Variants in RPS6KA2 observed in about 807,000 individuals in gnomAD.
RPS6KA2 encodes the protein ribosomal protein S6 kinase alpha-2.
Under a neutral mutation model 91.8 loss-of-function variants are expected in RPS6KA2, and 42 were observed. The observed-to-expected ratio is 0.46, with a 90% CI of 0.36 to 0.59. The LOEUF is 0.59. RPS6KA2 is among the 20% of genes least tolerant of loss of function. The pLI, the probability that RPS6KA2 is intolerant of heterozygous loss-of-function variation, is 0.00. For missense variants in RPS6KA2, 798 were observed against 978.5 expected (o/e 0.82, Z 2.46); for synonymous variants, 414 against 393.6 (o/e 1.05, Z -0.61).
chr6:166,717,519 G>C (rs564883128), intron 2 of RPS6KA2, among the ~76,000 whole-genome samples: 1 of 152,234 alleles, frequency 6.6e-6, no homozygotes, highest in African/African-American at 2.4e-5. Flanking sequence ...GAGAGCTGGG[G>C]TTCCAAGGAA....
rs150090491 is a variant in RPS6KA2 at position 166,572,465 on chromosome 6, A to G, written c.100-33681T>C. Among the ~76,000 whole-genome samples, 594 of 152,340 alleles carry G rather than the reference A, an allele frequency of 3.9e-3. 5 individuals are homozygous for G. Among genetic ancestry groups the G allele is most frequent in the African/African-American group, 0.013 (557 of 41,580 alleles). ...AGCCAAGGGATGTTTACTTTTGTCA[A>G]TTTCTGCAGAAACCACACAAGTGGC... On this transcript the variant is annotated intron_variant, in intron 1 of 20. Transcript: ENST00000265678.
At chr6:166,566,972 C>T (rs879292924) in intron 1 of RPS6KA2, among the ~76,000 whole-genome samples, 5 of 152,208 alleles carry the variant, frequency 3.3e-5, no homozygotes, top group Admixed American at 1.3e-4. Context: ...ATTACATCGT[C>T]GCAGGTGCAA....
intron 2 of RPS6KA2, among the ~76,000 whole-genome samples, chr6:166,758,591 T>A (rs987432808): frequency 1.3e-5 from 2 of 152,200 alleles, no homozygotes; most frequent in African/African-American, 4.8e-5. Context: ...AGCTTCTTGT[T>A]AATACATAAA....
Position 166,825,951 on chromosome 6 carries a change from A to C in RPS6KA2, c.123+32249T>G, listed in dbSNP as rs1417121444. ...ATCTGAGCTCCTGCCTTTCACGTCA[A>C]CATTTGTGAGTAGAAAGTAAAGAAA... On this transcript the variant is annotated intron_variant, in intron 2 of 21. Coordinates refer to the RPS6KA2 transcript ENST00000503859. The surrounding 1 kb of genome is among the most constrained non-coding windows in gnomAD (Gnocchi z 4.1). 6.6e-6 allele frequency among the ~76,000 whole-genome samples: 1 copy of C among 152,228 alleles called. No homozygotes were observed. The highest frequency in any genetic ancestry group is 2.4e-5 in the African/African-American group (1 of 41,460).
At chr6:166,768,485 G>A (rs1485196784) in intron 2 of RPS6KA2, among the ~76,000 whole-genome samples, 1 of 152,156 alleles carries the variant, frequency 6.6e-6, no homozygotes, top group Non-Finnish European at 1.5e-5. Context: ...TAGCCAAGCG[G>A]CAGGGGCAGC....
Position 166,781,894 on chromosome 6 carries a change from C to T in RPS6KA2, c.123+76306G>A, listed in dbSNP as rs112068878. 3.9e-3 allele frequency among the ~76,000 whole-genome samples: 588 copies of T among 152,284 alleles called. 5 individuals are homozygous for T. The highest frequency in any genetic ancestry group is 0.014 in the African/African-American group (569 of 41,548). On this transcript the variant is annotated intron_variant, in intron 2 of 21. Transcript: ENST00000503859. ...CTGAGTGGATGACTCTGTCGTGGGG[C>T]CTGTCCTGTGCATGCTAGGATGTTC...
intron 2 of RPS6KA2, among the ~76,000 whole-genome samples, chr6:166,723,724 G>GGC (rs1285747871): frequency 7.7e-6 from 1 of 129,848 alleles, no homozygotes; most frequent in Non-Finnish European, 1.5e-5. Flanking sequence ...TTTTTGAGAT[G>GGC]GAGTCTCATT....
chr6:166,582,243 G>A (rs1030621197), intron 1 of RPS6KA2, among the ~76,000 whole-genome samples: 5 of 152,166 alleles, frequency 3.3e-5, no homozygotes, highest in Non-Finnish European at 7.4e-5. Flanking sequence ...CACAGAGAGG[G>A]TGAGCACAGT....
At chr6:166,619,130 G>A (rs1786532462) in intron 1 of RPS6KA2, among the ~76,000 whole-genome samples, 1 of 152,214 alleles carries the variant, frequency 6.6e-6, no homozygotes, top group South Asian at 2.1e-4. Context: ...TCTTTGTTGG[G>A]TTGTACTCTA....
chr6:166,844,857 CACA>C (rs34118979), intron 2 of RPS6KA2, among the ~76,000 whole-genome samples: 82,955 of 151,382 alleles, frequency 0.55, 24,760 homozygotes, highest in Middle Eastern at 0.73. Context: ...ATAACAATAA[CACA>C]ACAACAACAA....
chr6:166,481,586 C>T (rs953170409), intron 10 of RPS6KA2, among the ~76,000 whole-genome samples: 3 of 150,888 alleles, frequency 2.0e-5, no homozygotes, highest in Non-Finnish European at 1.5e-5. Flanking sequence ...TCTCTCTGAT[C>T]GATCTTAAAG....
At position 166,448,612 on chromosome 6, in the gene RPS6KA2, G is replaced by A; in HGVS notation, c.1332+112C>T. On this transcript the variant is annotated intron_variant, in intron 14 of 20. Coordinates refer to ENST00000265678, the MANE Select transcript of RPS6KA2 (RefSeq NM_021135.6). This position sits in a 1 kb window ranked among gnomAD's most constrained non-coding sequence, Gnocchi z 4.7. ...TGTGCTGTACATGCTCCCACACGCT[G>A]CACTCACACAGGGCCCTGCTATGCT... The A allele has an allele frequency of 7.5e-7, 1 of 1,328,904 alleles. No homozygotes were observed. Among genetic ancestry groups the A allele is most frequent in the Middle Eastern group, 2.6e-4 (1 of 3,810 alleles). 82.3% of individuals were successfully genotyped at this position (1,328,904 alleles called of 1,614,324 possible). A position where few individuals can be genotyped will look rare whatever the true frequency, so the allele number is the denominator to read the frequency against.
chr6:166,655,070 C>T (rs1340199996), intron 2 of RPS6KA2, among the ~76,000 whole-genome samples: 1 of 152,236 alleles, frequency 6.6e-6, no homozygotes, highest in East Asian at 1.9e-4. Flanking sequence ...CAACCCACCG[C>T]AACCCCAAAC....
intron 2 of RPS6KA2, among the ~76,000 whole-genome samples, chr6:166,680,099 A>G (rs1411524312): frequency 6.6e-6 from 1 of 152,080 alleles, no homozygotes; most frequent in Non-Finnish European, 1.5e-5. Flanking sequence ...TGTCTAGCTA[A>G]CGGTTTGTAA....
In RPS6KA2 at chr6:166,639,163, C is replaced by G. The variant is rs917003580; in HGVS notation, c.124-100379G>C. Among the ~76,000 whole-genome samples the G allele has an allele frequency of 1.8e-4, 28 of 152,328 alleles. No individual in the cohort carries two copies. The highest frequency in any genetic ancestry group is 6.5e-4 in the African/African-American group (27 of 41,576). On this transcript the variant is annotated intron_variant, in intron 2 of 21. Transcript: ENST00000503859. The surrounding 1 kb of genome is among the most constrained non-coding windows in gnomAD (Gnocchi z 4.2). ...ATGAAATGGCTGGGAAGGCAGTCGACTCCCAAATATGAGAATTTGTATCTG... is the reference window on the plus strand; with the variant it reads ...ATGAAATGGCTGGGAAGGCAGTCGAGTCCCAAATATGAGAATTTGTATCTG...
chr6:166,758,624 A>G (rs1461009002), intron 2 of RPS6KA2, among the ~76,000 whole-genome samples: 1 of 152,218 alleles, frequency 6.6e-6, no homozygotes, highest in East Asian at 1.9e-4. Context: ...CTGAAAACCT[A>G]CAGATGCAAC....
chr6:166,547,453 C>T (rs554046285), intron 1 of RPS6KA2, among the ~76,000 whole-genome samples: 3 of 152,216 alleles, frequency 2.0e-5, no homozygotes, highest in South Asian at 2.1e-4. Flanking sequence ...GCCCGCTCTC[C>T]GGCAGTGGTG....
At chr6:166,513,300 C>T (rs1354989156) in intron 3 of RPS6KA2, among the ~76,000 whole-genome samples, 1 of 152,286 alleles carries the variant, frequency 6.6e-6, no homozygotes, top group East Asian at 1.9e-4. Context: ...GCACCTCCTT[C>T]CCCAGTGGTC....
chr6:166,604,631 G>C (rs1018500405), intron 1 of RPS6KA2, among the ~76,000 whole-genome samples: 23 of 152,170 alleles, frequency 1.5e-4, no homozygotes, highest in Non-Finnish European at 3.2e-4. Flanking sequence ...TTCTGTCATG[G>C]GCTTGCTGTA....
Sources: gnomAD v4.1 joint callset for allele counts (sites outside exome capture counted in the v4.1 genomes callset) on GRCh38, gnomAD v4.1.1 for gene constraint, Gnocchi (gnomAD v3.1) non-coding constraint, MANE v1.5 for transcripts, NCBI Gene and HGNC (gene_info 2026-07-23, HGNC 2026-07-21) for gene names.